CSMD1: variants seen among roughly 807,000 people sequenced by gnomAD.
CSMD1 encodes the protein CUB and sushi domain-containing protein 1.
Under a neutral mutation model 417.5 loss-of-function variants are expected in CSMD1, and 213 were observed. That is an observed-to-expected ratio of 0.51 (90% CI 0.46 to 0.57). The LOEUF (loss-of-function observed/expected upper bound fraction) is 0.57. CSMD1 is among the 20% of genes least tolerant of loss of function. The probability of loss-of-function intolerance (pLI) is 0.00; values close to 1 mark genes in which losing one functional copy is unlikely to be tolerated. For missense variants in CSMD1, 6,923 were observed against 4,529.7 expected, an observed-to-expected ratio of 1.53 and a Z score of -15.17; for synonymous variants, 2,862 against 1,736.8, an observed-to-expected ratio of 1.65 and a Z score of -16.11.
intron 1 of CSMD1, among the ~76,000 whole-genome samples, chr8:4,980,307 G>T (rs377581764): frequency 2.0e-5 from 3 of 152,134 alleles, no homozygotes; most frequent in Non-Finnish European, 1.5e-5. Flanking sequence ...GTAGCCACAA[G>T]GGCTGTGTGC....
intron 3 of CSMD1, among the ~76,000 whole-genome samples, chr8:4,159,271 T>A (rs995211034): frequency 4.6e-5 from 7 of 152,206 alleles, no homozygotes; most frequent in Admixed American, 6.5e-5. Flanking sequence ...GGGTAGCATT[T>A]AGTGTAAGTT....
intron 3 of CSMD1, among the ~76,000 whole-genome samples, chr8:4,234,030 G>C (rs896010845): frequency 1.3e-5 from 2 of 152,076 alleles, no homozygotes; most frequent in East Asian, 1.9e-4. Flanking sequence ...CTGGTTAAGA[G>C]TCTACCATCA....
At chr8:3,411,623 T>G (rs1334906670) in intron 12 of CSMD1, among the ~76,000 whole-genome samples, 1 of 150,034 alleles carries the variant, frequency 6.7e-6, no homozygotes, top group Non-Finnish European at 1.5e-5. Context: ...TGCCATTAAT[T>G]CATTCCTTAT....
At chr8:4,776,336 T>C (rs1189196770) in intron 1 of CSMD1, among the ~76,000 whole-genome samples, 1 of 152,190 alleles carries the variant, frequency 6.6e-6, no homozygotes, top group Non-Finnish European at 1.5e-5. Context: ...TATGAAAATA[T>C]TGCTACTAAG....
At chr8:3,490,583 T>G (rs1818315465) in intron 11 of CSMD1, among the ~76,000 whole-genome samples, 2 of 152,220 alleles carry the variant, frequency 1.3e-5, no homozygotes, top group African/African-American at 4.8e-5. Context: ...ATTTCATTTT[T>G]CTATTTCCCA....
At chr8:4,546,944 C>G (rs973846077) in intron 2 of CSMD1, among the ~76,000 whole-genome samples, 18 of 152,132 alleles carry the variant, frequency 1.2e-4, no homozygotes, top group African/African-American at 4.1e-4. Flanking sequence ...TCTGCCCCTA[C>G]AGGATAGCCT....
At chr8:3,156,570 A>C (rs1819548050) in intron 39 of CSMD1, among the ~76,000 whole-genome samples, 1 of 152,148 alleles carries the variant, frequency 6.6e-6, no homozygotes. Flanking sequence ...TGCAGGTGGG[A>C]GCTCAGAGAG....
chr8:3,855,080 A>C (rs932535981), intron 5 of CSMD1, among the ~76,000 whole-genome samples: 23 of 152,150 alleles, frequency 1.5e-4, no homozygotes, highest in African/African-American at 4.8e-4. Flanking sequence ...CCAAAATATC[A>C]AGAGTATTTA....
intron 5 of CSMD1, among the ~76,000 whole-genome samples, chr8:3,860,468 A>G (rs1182272883): frequency 5.3e-5 from 8 of 152,168 alleles, no homozygotes; most frequent in Non-Finnish European, 4.4e-5. Context: ...GGAGTTTGCT[A>G]ATATAGTTTT....
chr8:3,556,792 C>T (rs1402612953), intron 10 of CSMD1, among the ~76,000 whole-genome samples: 1 of 152,144 alleles, frequency 6.6e-6, no homozygotes, highest in Admixed American at 6.5e-5. Flanking sequence ...AGAAAGACTG[C>T]CAAAAGAGGC....
rs527811037 is a variant in CSMD1 at position 4,531,755 on chromosome 8, A to C, written c.302+105587T>G. 2.6e-5 allele frequency among the ~76,000 whole-genome samples: 4 copies of C among 152,358 alleles called. No homozygotes were observed. In the South Asian group the frequency reaches 8.3e-4, roughly 32 times the overall value. On this transcript the variant is annotated intron_variant, in intron 2 of 69. Coordinates refer to ENST00000635120, the MANE Select transcript of CSMD1 (RefSeq NM_033225.6). ...CATACCATGAAATTCACTCTCTAAA[A>C]GTATACAATCTGGTGCTTTTTAGTA... is the stretch of plus-strand genomic sequence containing the variant.
intron 4 of CSMD1, among the ~76,000 whole-genome samples, chr8:4,014,322 C>T (rs113685439): frequency 0.017 from 2,547 of 152,274 alleles, 81 homozygotes; most frequent in African/African-American, 0.059. Flanking sequence ...AAACATTCAT[C>T]ACATTCAATT....
chr8:3,399,584 T>C (rs13269697), intron 15 of CSMD1, 55 bp from the exon 16 acceptor site: 140,311 of 1,372,894 alleles, frequency 0.1, 7,739 homozygotes, highest in Middle Eastern at 0.12. Flanking sequence ...GGATATGCCA[T>C]AACAATACCC....
intron 7 of CSMD1, among the ~76,000 whole-genome samples, chr8:3,670,413 G>C (rs73181199): frequency 0.17 from 25,151 of 150,612 alleles, 2,231 homozygotes; most frequent in South Asian, 0.22. Context: ...GTGAACATGT[G>C]AGTTAAAACC....
At chr8:3,473,049 C>G (rs965937809) in intron 11 of CSMD1, among the ~76,000 whole-genome samples, 2 of 152,048 alleles carry the variant, frequency 1.3e-5, no homozygotes, top group African/African-American at 4.8e-5. Context: ...CCTAGACATT[C>G]GACTTGATTT....
At chr8:4,909,374 T>A (rs941034286) in intron 1 of CSMD1, among the ~76,000 whole-genome samples, 1 of 152,162 alleles carries the variant, frequency 6.6e-6, no homozygotes, top group Non-Finnish European at 1.5e-5. Context: ...AATCCCATTT[T>A]ATTTCCTTGA....
intron 5 of CSMD1, among the ~76,000 whole-genome samples, chr8:3,906,448 C>T (rs1808118332): frequency 6.6e-6 from 1 of 152,060 alleles, no homozygotes; most frequent in African/African-American, 2.4e-5. Flanking sequence ...CCTTAGAAAT[C>T]ATGATATGAA....
chr8:3,746,704 T>C (rs1797080122), intron 6 of CSMD1, among the ~76,000 whole-genome samples: 1 of 152,200 alleles, frequency 6.6e-6, no homozygotes, highest in African/African-American at 2.4e-5. Flanking sequence ...CTCAAAATAA[T>C]TACAACTAAT....
At chr8:3,724,217 C>G (rs147193698) in intron 6 of CSMD1, among the ~76,000 whole-genome samples, 7,368 of 150,126 alleles carry the variant, frequency 0.049, 242 homozygotes, top group Middle Eastern at 0.11. Flanking sequence ...TATTATTATA[C>G]TTTAAGTTTT....
Sources: gnomAD v4.1 joint callset for allele counts (sites outside exome capture counted in the v4.1 genomes callset) on GRCh38, gnomAD v4.1.1 for gene constraint, MANE v1.5 for transcripts, NCBI Gene and HGNC (gene_info 2026-07-23, HGNC 2026-07-21) for gene names.